The following ZNF621 variants were observed in gnomAD, a reference collection of about 807,000 sequenced individuals.
ZNF621 encodes zinc finger protein 621.
In ZNF621, 6 loss-of-function variants were observed where a neutral mutation model predicts 12.7. The ratio of observed to expected loss-of-function variants is 0.47; its 90% CI spans 0.26 to 0.93. The LOEUF (loss-of-function observed/expected upper bound fraction) is 0.93. Ranked by LOEUF, ZNF621 falls within the 40% of genes least tolerant of loss-of-function variation. ZNF621 has a pLI of 0.15. For missense variants in ZNF621, 474 were observed against 524.0 expected (o/e 0.90, Z 0.93); for synonymous variants, 156 against 190.3 (o/e 0.82, Z 1.48).
chr3:40,534,849 C>T lies in ZNF621; in HGVS notation c.*1759C>T, dbSNP rs1405198812. 1 of 152,192 alleles carries T rather than the reference C, an allele frequency of 6.6e-6. No homozygotes were observed. The highest frequency in any genetic ancestry group is 2.4e-5 in the African/African-American group (1 of 41,432). The allele number at this position is 152,192 out of a possible 1,614,324, so 9.4% of individuals were successfully genotyped here. On this transcript the variant is annotated 3_prime_UTR_variant, in exon 5 of 5. Coordinates refer to ENST00000339296, the MANE Select transcript of ZNF621 (RefSeq NM_198484.5). The stretch of plus-strand genomic sequence containing the variant: ...TCTCTGACTAAATGCAGTTCTTTGC[C>T]TTCTCTGTTCCTGCACCAAAAATGA...
chr3:40,529,727 A>G (rs543625194), intron 3 of ZNF621, among the ~76,000 whole-genome samples: 1 of 152,124 alleles, frequency 6.6e-6, no homozygotes, highest in Non-Finnish European at 1.5e-5. Context: ...GGCTCAAGCA[A>G]TTCTCCTATT....
At chr3:40,525,989 A>G (rs1358694095) in intron 2 of ZNF621, 125 bp downstream of exon 2, 1 of 1,066,534 alleles carries the variant, frequency 9.4e-7, no homozygotes, top group African/African-American at 1.6e-5. Context: ...TCCCCTTTGT[A>G]TCTATCTCCA....
chr3:40,532,861 C>T lies in ZNF621; in HGVS notation c.1091C>T (p.Ala364Val), dbSNP rs1400946134. The T allele has an allele frequency of 6.2e-7, 1 of 1,612,362 alleles. No homozygotes were observed. The highest frequency in any genetic ancestry group is 1.7e-5 in the Admixed American group (1 of 59,674). ...GTCAGTCCCCAGTGCTCCTCTCCAG[C>T]CATACCTCCTGTTCTTCTCCAGGGA... Reference protein sequence around the residue: ...SLVSPQCSSPAIPPVLLQGSC... With the variant: ...SLVSPQCSSPVIPPVLLQGSC... Residue 364 changes from alanine to valine, a missense_variant, in exon 5 of 5, where the codon GCC becomes GTC. Transcript: ENST00000339296.
rs1698741924 is a variant in ZNF621, at chr3:40,532,179, A to G, written c.409A>G (p.Asn137Asp). 2.5e-6 allele frequency: 4 copies of G among 1,614,236 alleles called. No homozygotes were observed. The East Asian group carries it at 8.9e-5, about 36-fold the overall frequency. Residue 137 changes from asparagine to aspartate, a missense_variant, in exon 5 of 5, where the codon AAT becomes GAT. Physicochemically the swap from Asn to Asp is conservative, Grantham distance 23. Transcript: ENST00000339296. ...FKRKALKQTF[N>D]LNPNLILRGG... ...AAGGAAGGCACTGAAGCAGACTTTCAATCTAAATCCAAATCTGATACTTCG... is the reference window on the plus strand; with the variant it reads ...AAGGAAGGCACTGAAGCAGACTTTCGATCTAAATCCAAATCTGATACTTCG...
intron 2 of ZNF621, among the ~76,000 whole-genome samples, chr3:40,527,842 G>A (rs1363182152): frequency 6.6e-6 from 1 of 152,154 alleles, no homozygotes; most frequent in Non-Finnish European, 1.5e-5. Flanking sequence ...TTCAACACTG[G>A]TACTTAAAAT....
intron 3 of ZNF621, 183 bp downstream of exon 3, chr3:40,529,628 G>C (rs1401025966): frequency 1.4e-6 from 2 of 1,443,394 alleles, no homozygotes; most frequent in Non-Finnish European, 1.8e-6. Flanking sequence ...TGTTTTGTTT[G>C]TTTGTTTGTT....
chr3:40,531,221 G>A (rs1698719788), intron 4 of ZNF621, among the ~76,000 whole-genome samples: 1 of 152,188 alleles, frequency 6.6e-6, no homozygotes, highest in Admixed American at 6.5e-5. Flanking sequence ...TGGGTTACAG[G>A]TAGGGCTTTG....
rs757650881 is a variant in ZNF621, at chr3:40,532,426, A to G, written c.656A>G (p.Asn219Ser). ...GAGTGTGGCAAAGGTTTGAGTTCCAACACAGCCTTGACTCAACATCAGAGG... is the reference window on the plus strand; with the variant it reads ...GAGTGTGGCAAAGGTTTGAGTTCCAGCACAGCCTTGACTCAACATCAGAGG... ...CKECGKGLSSNTALTQHQRIH... is the reference protein window; with the variant it reads ...CKECGKGLSSSTALTQHQRIH... Residue 219 changes from asparagine to serine, a missense_variant, in exon 5 of 5, where the codon AAC (asparagine) becomes AGC (serine). Physicochemically the swap from Asn to Ser is conservative, Grantham distance 46. Transcript: ENST00000339296. 1.2e-6 allele frequency: 2 copies of G among 1,613,916 alleles called. No homozygotes were observed. Among genetic ancestry groups the G allele is most frequent in the Non-Finnish European group, 8.5e-7 (1 of 1,180,002 alleles).
rs2125681440 is a variant in ZNF621 at position 40,537,640 on chromosome 3, G to C, written c.*4550G>C. 1 of 152,736 alleles carries C rather than the reference G, an allele frequency of 6.5e-6. No homozygotes were observed. Among genetic ancestry groups the C allele is most frequent in the Non-Finnish European group, 1.5e-5 (1 of 68,358 alleles). The allele number at this position is 152,736 out of a possible 1,614,324, so 9.5% of individuals were successfully genotyped here. Reference sequence around the variant, plus strand: ...TATTACTGATATGGAGAAAGTTTTAGGGGTCTGGATCAAACCAACCACAAA... The same window carrying C: ...TATTACTGATATGGAGAAAGTTTTACGGGTCTGGATCAAACCAACCACAAA... On this transcript the variant is annotated 3_prime_UTR_variant, in exon 5 of 5. Coordinates refer to ENST00000339296, the MANE Select transcript of ZNF621 (RefSeq NM_198484.5).
rs747545708 is a variant in ZNF621 at position 40,529,380 on chromosome 3, A to G, written c.86A>G (p.Asp29Gly). Residue 29 changes from aspartate (D) to glycine (G), a missense_variant, in exon 3 of 5, where the codon GAC (aspartate) becomes GGC (glycine). Transcript: ENST00000339296. ...YFTQNQWASL[D>G]PAQRALYGEV... ...ACCCAGAATCAATGGGCCAGCCTCGACCCTGCGCAGAGGGCCCTGTACGGG... is the reference window on the plus strand; with the variant it reads ...ACCCAGAATCAATGGGCCAGCCTCGGCCCTGCGCAGAGGGCCCTGTACGGG... The G allele has an allele frequency of 3.7e-6, 6 of 1,613,818 alleles. No individual in the cohort carries two copies. The African/African-American group carries it at 8.0e-5, about 22-fold the overall frequency.
At chr3:40,526,858 A>AT (rs1330238924) in intron 2 of ZNF621, among the ~76,000 whole-genome samples, 3 of 151,868 alleles carry the variant, frequency 2.0e-5, no homozygotes, top group Middle Eastern at 3.2e-3. Context: ...TTGTCCTTTT[A>AT]TTTTTTTTGT....
intron 2 of ZNF621, among the ~76,000 whole-genome samples, chr3:40,527,208 G>T (rs1287310324): frequency 1.3e-5 from 2 of 152,036 alleles, no homozygotes; most frequent in African/African-American, 4.8e-5. Context: ...AGTAGAGACG[G>T]GGGTTCTCCA....
chr3:40,531,929 GTAT>G lies in ZNF621; in HGVS notation c.260-100_260-98del, dbSNP rs1698734725. ...ATGCTTGTATATAACCATTTCACAG[GTAT>G]CTTTAAAAATTACATTCTACAAGAG... On this transcript the variant is annotated intron_variant, in intron 4 of 4. Transcript: ENST00000339296. 17 of 1,103,954 alleles carry G rather than the reference GTAT, an allele frequency of 1.5e-5. No homozygotes were observed. The South Asian group carries it at 2.6e-4, about 17-fold the overall frequency. The allele number at this position is 1,103,954 out of a possible 1,614,324, so 68.4% of individuals were successfully genotyped here. A position where few individuals can be genotyped will look rare whatever the true frequency, so the allele number is the denominator to read the frequency against.
Position 40,525,763 on chromosome 3 carries a change from G to T in ZNF621, c.-62-16G>T. The T allele has an allele frequency of 6.2e-7, 1 of 1,609,080 alleles. No individual in the cohort carries two copies. Among genetic ancestry groups the T allele is most frequent in the African/African-American group, 1.3e-5 (1 of 74,934 alleles). On this transcript the variant is annotated splice_polypyrimidine_tract_variant and intron_variant, in intron 1 of 4. Transcript: ENST00000339296. ...GACGACAGGGTCCTTAGCACTCATG[G>T]CTCTTTTTCTCTTAGCTCTTGAGGA... is the stretch of plus-strand genomic sequence containing the variant.
chr3:40,528,927 G>A (rs906140451), intron 2 of ZNF621, among the ~76,000 whole-genome samples: 3 of 152,138 alleles, frequency 2.0e-5, no homozygotes, highest in Non-Finnish European at 4.4e-5. Context: ...CTAGACTTTA[G>A]CATGTCTTCT....
chr3:40,529,513 T>C (rs1698671178), intron 3 of ZNF621, 68 bp downstream of exon 3: 2 of 1,603,808 alleles, frequency 1.2e-6, no homozygotes, highest in African/African-American at 1.3e-5. Context: ...GGGATTCTAG[T>C]AGCCCTTGGG....
Position 40,529,163 on chromosome 3 carries a change from C to T in ZNF621, c.25-156C>T, listed in dbSNP as rs924237394. The T allele has an allele frequency of 8.6e-6, 7 of 810,466 alleles. No homozygotes were observed. The Admixed American group carries it at 1.5e-4, about 17-fold the overall frequency. 50.2% of individuals were successfully genotyped at this position (810,466 alleles called of 1,614,324 possible). A position where few individuals can be genotyped will look rare whatever the true frequency, so the allele number is the denominator to read the frequency against. On this transcript the variant is annotated intron_variant, in intron 2 of 4. Coordinates refer to ENST00000339296, the MANE Select transcript of ZNF621 (RefSeq NM_198484.5). Reference sequence around the variant, plus strand: ...AGTGGAACTACTGGCTGAGGGCTCGCCCCTGGCTGTGGTGGTGGGTGTTCT... The same window carrying T: ...AGTGGAACTACTGGCTGAGGGCTCGTCCCTGGCTGTGGTGGTGGGTGTTCT...
At chr3:40,531,891 T>G in intron 4 of ZNF621, 139 bp from the exon 5 acceptor site, 4 of 824,216 alleles carry the variant, frequency 4.9e-6, no homozygotes, top group Non-Finnish European at 7.5e-6. Context: ...GTCTCTCTCA[T>G]CCTCCTTTAT....
chr3:40,527,332 T>A (rs1156959948), intron 2 of ZNF621, among the ~76,000 whole-genome samples: 13 of 150,188 alleles, frequency 8.7e-5, no homozygotes, highest in Admixed American at 8.0e-4. Flanking sequence ...TGTCCATTTT[T>A]AAATTTTTTT....
Sources: gnomAD v4.1 joint callset for allele counts (sites outside exome capture counted in the v4.1 genomes callset) on GRCh38, gnomAD v4.1.1 for gene constraint, MANE v1.5 for transcripts, NCBI Gene and HGNC (gene_info 2026-07-23, HGNC 2026-07-21) for gene names.